The following LYPLAL1 variants were observed in gnomAD, a reference collection of about 807,000 sequenced individuals.
LYPLAL1 encodes the protein lysophospholipase-like protein 1.
LYPLAL1 carries 23 observed loss-of-function variants against 19.7 expected under a neutral mutation model. The observed-to-expected ratio is 1.17, with a 90% CI of 0.84 to 1.65. The LOEUF is 1.65. Ranked by LOEUF, LYPLAL1 falls within the 40% of genes most tolerant of loss-of-function variation. The pLI, the probability that LYPLAL1 is intolerant of heterozygous loss-of-function variation, is 0.00. For missense variants in LYPLAL1, 355 were observed against 279.4 expected (o/e 1.27, Z -1.93); for synonymous variants, 119 against 96.3 (o/e 1.24, Z -1.38).
chr1:219,227,014 G>A, the LYPLAL1 span, among the ~76,000 whole-genome samples: 10 of 152,176 alleles, frequency 6.6e-5, no homozygotes, highest in Non-Finnish European at 1.5e-4. Flanking sequence ...CAACTCTTCT[G>A]TCTTTGTACT....
the LYPLAL1 span, among the ~76,000 whole-genome samples, chr1:219,406,163 T>C: frequency 2.0e-5 from 3 of 152,166 alleles, no homozygotes; most frequent in Admixed American, 1.3e-4. Flanking sequence ...AAAAAGGAAA[T>C]AAGTTATTAT....
the LYPLAL1 span, among the ~76,000 whole-genome samples, chr1:219,241,130 CTCTCTATATA>C: frequency 0.044 from 3,157 of 70,950 alleles, 64 homozygotes; most frequent in South Asian, 0.067. Flanking sequence ...CTCTCTCTCT[CTCTCTATATA>C]TATATATATA....
chr1:219,214,031 A>G (rs1659196923), downstream of LYPLAL1, among the ~76,000 whole-genome samples: 1 of 152,146 alleles, frequency 6.6e-6, no homozygotes, highest in Non-Finnish European at 1.5e-5. Flanking sequence ...GTGTTTTAAT[A>G]CATGTCCATT....
rs1037557668 is a variant in LYPLAL1 at position 219,173,960 on chromosome 1, C to T, written c.70C>T (p.Leu24=). 8 of 1,614,074 alleles carry T rather than the reference C, an allele frequency of 5.0e-6. No individual in the cohort carries two copies. The highest frequency in any genetic ancestry group is 5.1e-6 in the Non-Finnish European group (6 of 1,179,976). Residue 24 remains leucine, a synonymous_variant, in exon 1 of 5, where the codon CTG becomes TTG. Transcript: ENST00000366928. Reference sequence around the variant, plus strand: ...GCCGGCAGGGAGGCATAGCGCCTCTCTGATCTTCCTGCATGGCTCAGGTGG... The same window carrying T: ...GCCGGCAGGGAGGCATAGCGCCTCTTTGATCTTCCTGCATGGCTCAGGTGG... ...VSPAGRHSAS[L]IFLHGSGDSG...
chr1:219,225,707 C>G, the LYPLAL1 span, among the ~76,000 whole-genome samples: 1 of 152,140 alleles, frequency 6.6e-6, no homozygotes, highest in Non-Finnish European at 1.5e-5. Flanking sequence ...CTGCTGGCTC[C>G]CCATGTTAGT....
the LYPLAL1 span, among the ~76,000 whole-genome samples, chr1:219,377,255 G>T: frequency 1.9e-3 from 284 of 152,260 alleles, 2 homozygotes; most frequent in East Asian, 0.028. Flanking sequence ...ATACTGTATG[G>T]TTTCACTTAT....
At chr1:219,289,963 C>T in the LYPLAL1 span, among the ~76,000 whole-genome samples, 2 of 152,164 alleles carry the variant, frequency 1.3e-5, no homozygotes, top group African/African-American at 4.8e-5. Flanking sequence ...ATGGCCAATC[C>T]TACTGATCCA....
At chr1:219,351,320 T>C in the LYPLAL1 span, among the ~76,000 whole-genome samples, 1 of 152,132 alleles carries the variant, frequency 6.6e-6, no homozygotes, top group African/African-American at 2.4e-5. Context: ...GATGAGAATA[T>C]TTACTCTGGC....
chr1:219,428,401 C>T, the LYPLAL1 span, among the ~76,000 whole-genome samples: 32 of 152,284 alleles, frequency 2.1e-4, no homozygotes, highest in South Asian at 2.1e-3. Flanking sequence ...CTTTAAGTAA[C>T]ACTTATAACA....
the LYPLAL1 span, among the ~76,000 whole-genome samples, chr1:219,421,698 A>G: frequency 5.9e-5 from 9 of 152,278 alleles, 1 homozygote; most frequent in South Asian, 1.9e-3. Context: ...TGGATGTGTG[A>G]CAAAACAGAA....
At chr1:219,394,413 A>G in the LYPLAL1 span, among the ~76,000 whole-genome samples, 1 of 152,300 alleles carries the variant, frequency 6.6e-6, no homozygotes, top group Non-Finnish European at 1.5e-5. Context: ...TTATGCCGCT[A>G]TCACCATCAT....
chr1:219,280,384 C>T, the LYPLAL1 span, among the ~76,000 whole-genome samples: 1 of 152,090 alleles, frequency 6.6e-6, no homozygotes, highest in Non-Finnish European at 1.5e-5. Context: ...CTTTATGACA[C>T]CTCATTTAGA....
chr1:219,437,629 T>C, the LYPLAL1 span, among the ~76,000 whole-genome samples: 5 of 152,176 alleles, frequency 3.3e-5, no homozygotes, highest in Admixed American at 6.5e-5. Flanking sequence ...ATTAAATATA[T>C]ATTTTATCTT....
chr1:219,358,774 G>C, the LYPLAL1 span, among the ~76,000 whole-genome samples: 1 of 152,066 alleles, frequency 6.6e-6, no homozygotes, highest in African/African-American at 2.4e-5. Flanking sequence ...TGGGGACACA[G>C]AGCCAAATCA....
chr1:219,216,890 C>G (rs1659310017), downstream of LYPLAL1, among the ~76,000 whole-genome samples: 1 of 152,148 alleles, frequency 6.6e-6, no homozygotes, highest in Non-Finnish European at 1.5e-5. Context: ...TAAGGAATGA[C>G]TGTCCTGTGC....
chr1:219,379,833 G>A, the LYPLAL1 span, among the ~76,000 whole-genome samples: 81 of 152,322 alleles, frequency 5.3e-4, no homozygotes, highest in African/African-American at 1.9e-3. Context: ...TGCTGTTGCT[G>A]TAATCACTCA....
the LYPLAL1 span, among the ~76,000 whole-genome samples, chr1:219,359,463 CA>C: frequency 1.3e-5 from 2 of 152,076 alleles, no homozygotes; most frequent in African/African-American, 4.8e-5. Context: ...TTCTTGTGAA[CA>C]ATGGAGAAAA....
At chr1:219,193,034 A>G (rs1463493584) in intron 2 of LYPLAL1, 48 bp from the exon 3 acceptor site, 2 of 1,455,284 alleles carry the variant, frequency 1.4e-6, no homozygotes, top group South Asian at 1.3e-5. Context: ...CCATTTTCAT[A>G]TTCCCTTTTC....
the LYPLAL1 span, among the ~76,000 whole-genome samples, chr1:219,257,342 C>T: frequency 7.6e-6 from 1 of 131,852 alleles, no homozygotes; most frequent in African/African-American, 2.7e-5. Context: ...GATTTTAAAA[C>T]ATCCATACCA....
Sources: gnomAD v4.1 joint callset for allele counts (sites outside exome capture counted in the v4.1 genomes callset) on GRCh38, gnomAD v4.1.1 for gene constraint, MANE v1.5 for transcripts, NCBI Gene and HGNC (gene_info 2026-07-23, HGNC 2026-07-21) for gene names.